The following ECPAS variants were observed in gnomAD, a reference collection of about 807,000 sequenced individuals.
ECPAS encodes the protein proteasome adapter and scaffold protein ECM29.
Under a neutral mutation model 255.1 loss-of-function variants are expected in ECPAS, and 70 were observed. That is an observed-to-expected ratio of 0.27 (90% confidence interval 0.23 to 0.33). The LOEUF is 0.33. Among genes scored for constraint, ECPAS ranks in the 10% least tolerant of loss-of-function variants. ECPAS has a pLI of 1.00. For missense variants in ECPAS, 1,817 were observed against 2,206.4 expected, an observed-to-expected ratio of 0.82 and a Z score of 3.54; for synonymous variants, 784 against 775.0, an observed-to-expected ratio of 1.01 and a Z score of -0.19.
intron 3 of ECPAS, among the ~76,000 whole-genome samples, chr9:111,450,893 C>A (rs2098259395): frequency 6.6e-6 from 1 of 151,952 alleles, no homozygotes; most frequent in African/African-American, 2.4e-5. Context: ...CCACTGCACT[C>A]CAGCCTGGGT....
intron 32 of ECPAS, among the ~76,000 whole-genome samples, chr9:111,385,723 C>A (rs1453141535): frequency 1.3e-5 from 2 of 152,190 alleles, no homozygotes; most frequent in African/African-American, 4.8e-5. Flanking sequence ...CACACTGCCA[C>A]ATACACACTG....
In ECPAS at chr9:111,484,136, A is replaced by C. The variant is rs1164779754; in HGVS notation, c.-103T>G. On this transcript the variant is annotated 5_prime_UTR_variant, in exon 1 of 50. An upstream start codon of the reference 5' UTR is lost. Transcript: ENST00000684092. The stretch of plus-strand genomic sequence containing the variant: ...CTGACCTGAGTCGGAGCCGGTCTCC[A>C]TGCCGCGGACGCTGCGCTCGGCGCC... 2 of 1,460,998 alleles carry C rather than the reference A, an allele frequency of 1.4e-6. No individual in the cohort carries two copies. The highest frequency in any genetic ancestry group is 9.0e-7 in the Non-Finnish European group (1 of 1,109,368). The allele number at this position is 1,460,998 out of a possible 1,614,324, so 90.5% of individuals were successfully genotyped here.
intron 35 of ECPAS, among the ~76,000 whole-genome samples, chr9:111,379,535 T>G (rs1424115596): frequency 6.6e-6 from 1 of 152,230 alleles, no homozygotes; most frequent in African/African-American, 2.4e-5. Flanking sequence ...GTGGCTGTCG[T>G]AATTTCTTAA....
chr9:111,399,600 A>G (rs2098172596), intron 24 of ECPAS, among the ~76,000 whole-genome samples: 2 of 152,236 alleles, frequency 1.3e-5, no homozygotes, highest in Admixed American at 6.5e-5. Flanking sequence ...TCAGCTGACT[A>G]AAATGGCCTC....
rs2098112755 is a variant in ECPAS, at chr9:111,361,013, G to A, written c.*1017C>T. On this transcript the variant is annotated 3_prime_UTR_variant, in exon 50 of 50. Coordinates refer to ENST00000684092, the MANE Select transcript of ECPAS (RefSeq NM_001364929.1). Reference sequence around the variant, plus strand: ...AACCCCTAGTGGCAATGATTTACTTGGAGTGGTATCATGTTCTTTTGAGAA... The same window carrying A: ...AACCCCTAGTGGCAATGATTTACTTAGAGTGGTATCATGTTCTTTTGAGAA... 2 of 152,146 alleles carry A rather than the reference G, an allele frequency of 1.3e-5. No individual in the cohort carries two copies. The highest frequency in any genetic ancestry group is 4.1e-4 in the South Asian group (2 of 4,822). 9.4% of individuals were successfully genotyped at this position (152,146 alleles called of 1,614,324 possible).
At chr9:111,376,781 C>T (rs1364323681) in intron 36 of ECPAS, among the ~76,000 whole-genome samples, 1 of 152,170 alleles carries the variant, frequency 6.6e-6, no homozygotes, top group Admixed American at 6.5e-5. Context: ...AAGAAATCAG[C>T]ATAGTATGGC....
chr9:111,456,225 G>A (rs1475256316), intron 2 of ECPAS, among the ~76,000 whole-genome samples: 3 of 152,142 alleles, frequency 2.0e-5, no homozygotes, highest in Admixed American at 6.6e-5. Flanking sequence ...TACCCCCCAA[G>A]TCAAGAAGAA....
intron 35 of ECPAS, among the ~76,000 whole-genome samples, chr9:111,382,012 C>T (rs1049805311): frequency 8.3e-6 from 1 of 120,668 alleles, no homozygotes; most frequent in Non-Finnish European, 1.9e-5. Flanking sequence ...TTGTAAAACA[C>T]ACACACACAC....
At chr9:111,398,211 T>A (rs1291816196) in intron 24 of ECPAS, among the ~76,000 whole-genome samples, 1 of 152,336 alleles carries the variant, frequency 6.6e-6, no homozygotes, top group African/African-American at 2.4e-5. Context: ...CTTCCTAGTC[T>A]GAGGAAAAAA....
At chr9:111,481,794 G>A (rs990388431) in intron 1 of ECPAS, among the ~76,000 whole-genome samples, 1 of 152,142 alleles carries the variant, frequency 6.6e-6, no homozygotes, top group Non-Finnish European at 1.5e-5. Context: ...TCTGACACAC[G>A]CAACAACATG....
At chr9:111,366,729 G>A (rs1236620836) in intron 46 of ECPAS, 102 bp from the exon 47 acceptor site, 9 of 731,026 alleles carry the variant, frequency 1.2e-5, no homozygotes, top group Non-Finnish European at 1.9e-5. Flanking sequence ...AAAGGAAGAG[G>A]GAAAGAGAAA....
At chr9:111,366,195 T>C in intron 48 of ECPAS, 44 bp downstream of exon 48, 2 of 1,291,386 alleles carry the variant, frequency 1.5e-6, no homozygotes, top group South Asian at 2.6e-5. Context: ...CTCCTTAGCT[T>C]TAAAATTAGG....
chr9:111,482,673 G>T (rs1021768031), intron 1 of ECPAS, among the ~76,000 whole-genome samples: 1 of 151,720 alleles, frequency 6.6e-6, no homozygotes, highest in African/African-American at 2.4e-5. Flanking sequence ...GGGAAAGAAA[G>T]AAAACCCTTG....
intron 27 of ECPAS, 107 bp downstream of exon 27, chr9:111,393,573 T>C: frequency 2.6e-6 from 2 of 764,484 alleles, no homozygotes; most frequent in Non-Finnish European, 4.3e-6. Flanking sequence ...ATAATTGTTT[T>C]AATCACACAG....
chr9:111,420,793 A>G (rs1233344631), intron 15 of ECPAS, among the ~76,000 whole-genome samples: 2 of 152,196 alleles, frequency 1.3e-5, no homozygotes, highest in Admixed American at 6.5e-5. Flanking sequence ...TTAAAAATAT[A>G]TATATTGTCC....
Position 111,440,489 on chromosome 9 carries a change from T to C in ECPAS, c.422A>G (p.His141Arg). ...TGATGATTCAACAGGGTATTTCATG[T>C]GAAAAAGGGTTGGTATTAAAAGATG... ...LMHLLIPTLF[H>R]MKYPVESSKS... Residue 141 changes from histidine to arginine, a missense_variant, in exon 6 of 50, where the codon CAC becomes CGC. Physicochemically the swap from His to Arg is conservative, Grantham distance 29 (BLOSUM62 0). This residue lies in a region of ECPAS where 573 missense variants were observed against 716.2 expected (regional missense o/e 0.80). Coordinates refer to ENST00000684092, the MANE Select transcript of ECPAS (RefSeq NM_001364929.1). The C allele has an allele frequency of 1.2e-6, 2 of 1,609,494 alleles. No homozygotes were observed. The highest frequency in any genetic ancestry group is 1.7e-6 in the Non-Finnish European group (2 of 1,177,478).
At chr9:111,377,290 T>TA (rs2098134435) in intron 36 of ECPAS, among the ~76,000 whole-genome samples, 1 of 151,944 alleles carries the variant, frequency 6.6e-6, no homozygotes, top group Non-Finnish European at 1.5e-5. Context: ...ACAGTTCTAA[T>TA]AAAAATATAT....
intron 1 of ECPAS, among the ~76,000 whole-genome samples, chr9:111,475,928 AAGCAATT>A (rs1395221523): frequency 2.6e-5 from 4 of 152,334 alleles, no homozygotes; most frequent in African/African-American, 9.6e-5. Flanking sequence ...CTGGTCATTT[AAGCAATT>A]AGCTCTTAGG....
At chr9:111,425,589 C>T (rs574101874) in intron 11 of ECPAS, 93 bp from the exon 12 acceptor site, 19 of 1,061,358 alleles carry the variant, frequency 1.8e-5, no homozygotes, top group African/African-American at 8.1e-5. Flanking sequence ...GAGACATAAC[C>T]GAAATAAGTT....
Sources: allele counts gnomAD v4.1 joint callset (sites outside exome capture counted in the v4.1 genomes callset), GRCh38; gene constraint gnomAD v4.1.1; regional missense constraint gnomAD v4.1.1; transcripts MANE v1.5; gene names NCBI Gene and HGNC (gene_info 2026-07-23, HGNC 2026-07-21).